Variants in DIP2C observed in about 807,000 individuals in gnomAD.
The protein encoded by DIP2C is disco-interacting protein 2 homolog C.
In DIP2C, 33 loss-of-function variants were observed where a neutral mutation model predicts 192.4. That is an observed-to-expected ratio of 0.17 (90% CI 0.13 to 0.23). DIP2C has a LOEUF of 0.23. Ranked by LOEUF, DIP2C falls within the 10% of genes least tolerant of loss-of-function variation. The probability of loss-of-function intolerance (pLI) is 1.00; values close to 1 mark genes in which losing one functional copy is unlikely to be tolerated. For missense variants in DIP2C, 1,537 were observed against 2,110.1 expected, an observed-to-expected ratio of 0.73 and a Z score of 5.32; for synonymous variants, 979 against 864.1, an observed-to-expected ratio of 1.13 and a Z score of -2.33.
chr10:351,284 G>A (rs569656278), intron 24 of DIP2C, among the ~76,000 whole-genome samples: 59 of 152,354 alleles, frequency 3.9e-4, no homozygotes, highest in African/African-American at 1.4e-3. Context: ...ACATGGCGGG[G>A]CACGGTGAGT....
At chr10:538,976 TCTG>T (rs1210990236) in intron 1 of DIP2C, among the ~76,000 whole-genome samples, 1 of 148,828 alleles carries the variant, frequency 6.7e-6, no homozygotes, top group Non-Finnish European at 1.5e-5. Context: ...GTTCTGTGAA[TCTG>T]CTGTATGACC....
At chr10:507,302 C>CA (rs896510991) in intron 1 of DIP2C, among the ~76,000 whole-genome samples, 2 of 150,560 alleles carry the variant, frequency 1.3e-5, no homozygotes, top group African/African-American at 4.9e-5. Flanking sequence ...CAGACCTAGT[C>CA]ACCAGCTGCA....
intron 3 of DIP2C, among the ~76,000 whole-genome samples, chr10:442,902 G>A (rs1967862565): frequency 6.6e-6 from 1 of 152,172 alleles, no homozygotes; most frequent in Non-Finnish European, 1.5e-5. Flanking sequence ...TATTTGTCAA[G>A]TGATTTTTAC....
At chr10:356,285 C>T (rs563560371) in intron 24 of DIP2C, 141 bp downstream of exon 24, 491 of 945,190 alleles carry the variant, frequency 5.2e-4, no homozygotes, top group Non-Finnish European at 7.4e-4. Context: ...GTACAAAAGT[C>T]TCAGTCAAAA....
At chr10:364,642 C>T in intron 19 of DIP2C, 60 bp from the exon 20 acceptor site, 2 of 1,559,268 alleles carry the variant, frequency 1.3e-6, no homozygotes, top group Non-Finnish European at 1.8e-6. Flanking sequence ...TTAATCCTCG[C>T]CGCTACTCCT....
At chr10:417,934 GC>G (rs1238172567) in intron 6 of DIP2C, among the ~76,000 whole-genome samples, 3 of 102,812 alleles carry the variant, frequency 2.9e-5, no homozygotes, top group African/African-American at 3.8e-5. Context: ...TCCTGTCAGG[GC>G]TTCGATAGGC....
chr10:388,821 G>T (rs192914714), intron 13 of DIP2C, among the ~76,000 whole-genome samples: 1 of 152,256 alleles, frequency 6.6e-6, no homozygotes, highest in Admixed American at 6.5e-5. Flanking sequence ...AGAAAGAGAC[G>T]CCAGGCAGGG....
rs931439119 is a variant in DIP2C at position 358,431 on chromosome 10, C to T, written c.2795-494G>A. Reference sequence around the variant, plus strand: ...TGGAGTCAGAGAGTGATACTGTGGACGGGACAGGATAGAGTCGCTTCTCGG... The same window carrying T: ...TGGAGTCAGAGAGTGATACTGTGGATGGGACAGGATAGAGTCGCTTCTCGG... On this transcript the variant is annotated intron_variant, in intron 22 of 36. Transcript: ENST00000280886. 4.7e-5 allele frequency among the ~76,000 whole-genome samples: 7 copies of T among 147,374 alleles called. No homozygotes were observed. The East Asian group carries it at 8.1e-4, about 17-fold the overall frequency.
rs550794639 is a variant in DIP2C at position 425,406 on chromosome 10, GGAT to G, written c.395-2376_395-2374del. On this transcript the variant is annotated intron_variant, in intron 4 of 36. Transcript: ENST00000280886. ...TGACCAGCGGTGACTAATATGACACGGATGATACGGCATGACCAGCAGTGACTA... is the reference window on the plus strand; with the variant it reads ...TGACCAGCGGTGACTAATATGACACGGATACGGCATGACCAGCAGTGACTA... Among the ~76,000 whole-genome samples the G allele has an allele frequency of 1.9e-4, 28 of 145,308 alleles. 1 individual carries two copies. Among genetic ancestry groups the G allele is most frequent in the African/African-American group, 7.1e-4 (27 of 38,234 alleles).
Position 538,156 on chromosome 10 carries a change from C to G in DIP2C, c.86-51626G>C, listed in dbSNP as rs548594980. Among the ~76,000 whole-genome samples, 10 of 152,250 alleles carry G rather than the reference C, an allele frequency of 6.6e-5. No homozygotes were observed. The East Asian group carries it at 1.9e-3, about 29-fold the overall frequency. On this transcript the variant is annotated intron_variant, in intron 1 of 36. Coordinates refer to ENST00000280886, the MANE Select transcript of DIP2C (RefSeq NM_014974.3). ...CTGTATCCTCTGTGGATAACAAATG[C>G]TTCCCGAGGAGTTTTCTTTGGGACA... is the stretch of plus-strand genomic sequence containing the variant.
intron 28 of DIP2C, among the ~76,000 whole-genome samples, 154 bp from the exon 29 acceptor site, chr10:341,483 G>A (rs1042154106): frequency 9.9e-5 from 15 of 151,776 alleles, no homozygotes; most frequent in Non-Finnish European, 1.8e-4. Context: ...CTGAACGCAA[G>A]GCTGTTTTGA....
In DIP2C at chr10:651,349, C is replaced by G. The variant is rs962509227; in HGVS notation, c.85+38145G>C. 2.8e-6 allele frequency: 2 copies of G among 702,746 alleles called. No individual in the cohort carries two copies. Among genetic ancestry groups the G allele is most frequent in the Middle Eastern group, 2.3e-4 (1 of 4,370 alleles). The allele number at this position is 702,746 out of a possible 1,614,324, so 43.5% of individuals were successfully genotyped here. On this transcript the variant is annotated intron_variant, in intron 1 of 36. Transcript: ENST00000280886. This position sits in a 1 kb window ranked among gnomAD's most constrained non-coding sequence, Gnocchi z 4.1. ...CATCAGGAACCACCTACTTTTGCAT[C>G]CCCAGCACTGTGCTCAGGTCCCAGG...
chr10:471,270 A>T (rs935807841), intron 3 of DIP2C, among the ~76,000 whole-genome samples: 2 of 152,080 alleles, frequency 1.3e-5, no homozygotes, highest in African/African-American at 4.8e-5. Context: ...GAGGCCATAA[A>T]ATCTCCTCTC....
At chr10:470,704 A>C (rs905900237) in intron 3 of DIP2C, among the ~76,000 whole-genome samples, 7 of 152,190 alleles carry the variant, frequency 4.6e-5, no homozygotes, top group African/African-American at 1.7e-4. Context: ...GGAAACACGC[A>C]GTGGCGACTG....
chr10:657,744 A>G (rs1256127552), intron 1 of DIP2C, among the ~76,000 whole-genome samples: 24 of 63,694 alleles, frequency 3.8e-4, no homozygotes, highest in Admixed American at 1.3e-3. Context: ...TGGACCTGAC[A>G]CTGGACCTGC....
rs745668209 is a variant in DIP2C at position 344,900 on chromosome 10, C to A, written c.3362G>T (p.Arg1121Leu). The change falls in exon 28 of 37, where the codon CGG becomes CTG. Residue 1121 changes from arginine (R) to leucine (L), a missense_variant. This residue lies in a region of DIP2C where 46 missense variants were observed against 28.9 expected (regional missense o/e 1.59). Coordinates refer to ENST00000280886, the MANE Select transcript of DIP2C (RefSeq NM_014974.3). ...GCAAGGTTTGCAGATCTGGGCAGGC[C>A]GCTTCTTTGGCAAATCATCTGGAGA... The part of the protein sequence containing the change: ...ILDTDDLPKK[R>L]PAQICKPCNP... The A allele has an allele frequency of 6.2e-7, 1 of 1,606,992 alleles. No individual in the cohort carries two copies. The highest frequency in any genetic ancestry group is 8.5e-7 in the Non-Finnish European group (1 of 1,177,716).
intron 3 of DIP2C, among the ~76,000 whole-genome samples, chr10:452,502 G>A (rs1205403171): frequency 1.3e-5 from 2 of 152,300 alleles, no homozygotes; most frequent in East Asian, 3.9e-4. Flanking sequence ...CTAAGTTGTT[G>A]CTGTGTTTAA....
chr10:612,952 C>T (rs923903377), intron 1 of DIP2C, among the ~76,000 whole-genome samples: 1 of 152,176 alleles, frequency 6.6e-6, no homozygotes, highest in Non-Finnish European at 1.5e-5. Flanking sequence ...CGGCCCCCCT[C>T]CCAGTGGGTG....
chr10:567,150 G>A (rs910213748), intron 1 of DIP2C, among the ~76,000 whole-genome samples: 3 of 152,080 alleles, frequency 2.0e-5, no homozygotes, highest in African/African-American at 7.2e-5. Context: ...TCCAACTCCG[G>A]CGGAAGGAGG....
Sources: gnomAD v4.1 joint callset for allele counts (sites outside exome capture counted in the v4.1 genomes callset) on GRCh38, gnomAD v4.1.1 for gene constraint, gnomAD v4.1.1 regional missense constraint, Gnocchi (gnomAD v3.1) non-coding constraint, MANE v1.5 for transcripts, NCBI Gene and HGNC (gene_info 2026-07-23, HGNC 2026-07-21) for gene names.